Variants in PIAS2 observed in about 807,000 individuals in gnomAD.
PIAS2 encodes E3 SUMO-protein ligase PIAS2.
A neutral mutation model predicts 69.7 loss-of-function variants in PIAS2; 19 were observed. The observed-to-expected ratio is 0.27, with a 90% confidence interval of 0.19 to 0.40. PIAS2 has a LOEUF of 0.40. Ranked by LOEUF, PIAS2 falls within the 10% of genes least tolerant of loss-of-function variation. The probability of loss-of-function intolerance (pLI) is 1.00; values close to 1 mark genes in which losing one functional copy is unlikely to be tolerated. For missense variants in PIAS2, 624 were observed against 757.0 expected (o/e 0.82, Z 2.06); for synonymous variants, 261 against 263.2 (o/e 0.99, Z 0.08).
chr18:46,836,268 G>A (rs932430079), intron 9 of PIAS2, 89 bp downstream of exon 9: 1 of 940,848 alleles, frequency 1.1e-6, no homozygotes, highest in African/African-American at 1.6e-5. Context: ...AATTTATTTA[G>A]AATTTAGTTC....
intron 1 of PIAS2, among the ~76,000 whole-genome samples, chr18:46,898,494 A>T (rs1439793554): frequency 2.6e-5 from 4 of 152,102 alleles, no homozygotes; most frequent in African/African-American, 9.7e-5. Flanking sequence ...AAATGACAAG[A>T]CTCTCTCTAT....
chr18:46,885,060 C>A (rs1004877641), intron 2 of PIAS2, among the ~76,000 whole-genome samples: 6 of 152,088 alleles, frequency 3.9e-5, no homozygotes, highest in African/African-American at 1.2e-4. Flanking sequence ...AACAGTAGAA[C>A]CTTAGCTACA....
rs745511143 is a variant in PIAS2 at position 46,890,748 on chromosome 18, G to A, written c.331C>T (p.Pro111Ser). Residue 111 changes from proline (P) to serine (S), a missense_variant, in exon 2 of 14, where the codon CCT becomes TCT. Physicochemically the swap from Pro to Ser is moderately conservative, Grantham distance 74. Coordinates refer to ENST00000585916, the MANE Select transcript of PIAS2 (RefSeq NM_004671.5). ...IHSLPSTSVTPHSPSSPVGSV... is the reference protein window; with the variant it reads ...IHSLPSTSVTSHSPSSPVGSV... The stretch of plus-strand genomic sequence containing the variant: ...CCAACAGGAGAGGATGGTGAGTGAG[G>A]TGTAACTGAAGTGGAAGGCAACGAG... The A allele has an allele frequency of 2.5e-6, 4 of 1,614,032 alleles. No individual in the cohort carries two copies. The highest frequency in any genetic ancestry group is 2.5e-6 in the Non-Finnish European group (3 of 1,180,038).
At chr18:46,849,412 T>C (rs1218793293) in intron 5 of PIAS2, among the ~76,000 whole-genome samples, 2 of 152,200 alleles carry the variant, frequency 1.3e-5, no homozygotes, top group African/African-American at 4.8e-5. Context: ...ATATAAAGTT[T>C]AGCCTTCACA....
At chr18:46,869,211 G>A (rs2049953185) in intron 2 of PIAS2, among the ~76,000 whole-genome samples, 1 of 152,202 alleles carries the variant, frequency 6.6e-6, no homozygotes, top group South Asian at 2.1e-4. Context: ...GAGGGAAGCA[G>A]CCAGAGAAGG....
intron 12 of PIAS2, chr18:46,815,918 G>A: frequency 1.0e-6 from 1 of 985,358 alleles, no homozygotes; most frequent in Non-Finnish European, 1.2e-6. Flanking sequence ...TGGGTTCTGA[G>A]CTAATGTAAT....
Position 46,805,410 on chromosome 18 carries a change from CTG to C in PIAS2, c.*7021_*7022del, listed in dbSNP as rs1201472184. On this transcript the variant is annotated 3_prime_UTR_variant, in exon 14 of 14. Coordinates refer to ENST00000585916, the MANE Select transcript of PIAS2 (RefSeq NM_004671.5). ...CCAGAATCAAGGAAGGCAAGGAACA[CTG>C]TGAGTCAAAGCTTCCAGCAAATCAA... 1 of 152,218 alleles carries C rather than the reference CTG, an allele frequency of 6.6e-6. No homozygotes were observed. The highest frequency in any genetic ancestry group is 1.9e-4 in the East Asian group (1 of 5,194). The allele number at this position is 152,218 out of a possible 1,614,324, so 9.4% of individuals were successfully genotyped here.
chr18:46,810,319 GTC>G lies in PIAS2; in HGVS notation c.*2112_*2113del. Reference sequence around the variant, plus strand: ...AAACTTTGTTGATTAAATTGGGGGAGTCTCTGACAATCTAAAGGGTAACAAAA... The same window carrying G: ...AAACTTTGTTGATTAAATTGGGGGAGTCTGACAATCTAAAGGGTAACAAAA... On this transcript the variant is annotated 3_prime_UTR_variant, in exon 14 of 14. Transcript: ENST00000585916. 1 of 152,112 alleles carries G rather than the reference GTC, an allele frequency of 6.6e-6. No individual in the cohort carries two copies. The highest frequency in any genetic ancestry group is 2.4e-5 in the African/African-American group (1 of 41,504). 9.4% of individuals were successfully genotyped at this position (152,112 alleles called of 1,614,324 possible).
At chr18:46,916,119 T>G (rs1352231220) in intron 1 of PIAS2, among the ~76,000 whole-genome samples, 1 of 152,212 alleles carries the variant, frequency 6.6e-6, no homozygotes, top group Non-Finnish European at 1.5e-5. Flanking sequence ...TTAATAATTA[T>G]TTTTGAAACA....
intron 3 of PIAS2, among the ~76,000 whole-genome samples, chr18:46,859,678 A>C (rs1210235526): frequency 6.6e-6 from 1 of 152,184 alleles, no homozygotes; most frequent in African/African-American, 2.4e-5. Flanking sequence ...ATGTGTGCTA[A>C]ATGAATGAAT....
At chr18:46,915,261 A>AC (rs915868418) in intron 1 of PIAS2, 1 of 152,200 alleles carries the variant, frequency 6.6e-6, no homozygotes, top group African/African-American at 2.4e-5. Flanking sequence ...AAATGCTTAG[A>AC]CCAGAACCAG....
rs560943130 is a variant in PIAS2, at chr18:46,877,492, T to C, written c.499+13088A>G. On this transcript the variant is annotated intron_variant, in intron 2 of 13. Transcript: ENST00000585916. Reference sequence around the variant, plus strand: ...TCTTCACTCCTGACCACCCATTCTGTAAACTGCCCCTCCCGCCGAAACAGC... The same window carrying C: ...TCTTCACTCCTGACCACCCATTCTGCAAACTGCCCCTCCCGCCGAAACAGC... 2.6e-5 allele frequency among the ~76,000 whole-genome samples: 4 copies of C among 152,286 alleles called. 1 individual carries two copies. The South Asian group carries it at 8.3e-4, about 32-fold the overall frequency.
At chr18:46,818,544 A>G in intron 12 of PIAS2, 1 of 1,029,120 alleles carries the variant, frequency 9.7e-7, no homozygotes, top group Non-Finnish European at 1.3e-6. Flanking sequence ...GTTCTATTTA[A>G]TATTTTATTA....
intron 9 of PIAS2, among the ~76,000 whole-genome samples, chr18:46,832,930 A>T (rs2043893396): frequency 6.6e-6 from 1 of 151,580 alleles, no homozygotes; most frequent in South Asian, 2.1e-4. Flanking sequence ...ACCAAATGTT[A>T]ATGAGAATGA....
At chr18:46,848,282 A>G (rs1157732540) in intron 5 of PIAS2, among the ~76,000 whole-genome samples, 1 of 152,232 alleles carries the variant, frequency 6.6e-6, no homozygotes, top group Non-Finnish European at 1.5e-5. Context: ...ATGAGAATCC[A>G]TCAATGAAAA....
At chr18:46,846,123 TC>T (rs2046133737) in intron 6 of PIAS2, among the ~76,000 whole-genome samples, 2 of 152,318 alleles carry the variant, frequency 1.3e-5, no homozygotes, top group Admixed American at 6.5e-5. Context: ...AAATGTAAAT[TC>T]CTTGTTGTAT....
intron 2 of PIAS2, among the ~76,000 whole-genome samples, chr18:46,870,478 T>C (rs2050168475): frequency 6.6e-6 from 1 of 151,370 alleles, no homozygotes; most frequent in South Asian, 2.1e-4. Context: ...TAGCCAGACG[T>C]GGTGACGGGC....
At chr18:46,909,138 G>C (rs566095061) in intron 1 of PIAS2, among the ~76,000 whole-genome samples, 9 of 152,076 alleles carry the variant, frequency 5.9e-5, no homozygotes. Flanking sequence ...GTACAAACAT[G>C]GGCAAAAGAC....
At chr18:46,843,965 A>C in intron 8 of PIAS2, 89 bp downstream of exon 8, 1 of 719,288 alleles carries the variant, frequency 1.4e-6, no homozygotes, top group Non-Finnish European at 2.3e-6. Flanking sequence ...TCTTCATAAT[A>C]TATCATTCAT....
Sources: allele counts gnomAD v4.1 joint callset (sites outside exome capture counted in the v4.1 genomes callset), GRCh38; gene constraint gnomAD v4.1.1; transcripts MANE v1.5; gene names NCBI Gene and HGNC (gene_info 2026-07-23, HGNC 2026-07-21).